The following PCCB variants were observed in gnomAD, a reference collection of about 807,000 sequenced individuals.
PCCB encodes the protein propionyl-CoA carboxylase subunit beta, also known as propionyl-CoA carboxylase beta chain, mitochondrial.
A neutral mutation model predicts 60.7 loss-of-function variants in PCCB; 43 were observed. The ratio of observed to expected loss-of-function variants is 0.71; its 90% CI spans 0.55 to 0.91. The LOEUF (loss-of-function observed/expected upper bound fraction) is 0.91. Among genes scored for constraint, PCCB ranks in the 40% least tolerant of loss-of-function variants. PCCB has a pLI of 0.00. For missense variants in PCCB, 766 were observed against 702.8 expected, an observed-to-expected ratio of 1.09 and a Z score of -1.02; for synonymous variants, 276 against 255.9, an observed-to-expected ratio of 1.08 and a Z score of -0.75.
chr3:136,327,474 T>C (rs1935365557), intron 12 of PCCB, among the ~76,000 whole-genome samples, 160 bp from the exon 13 acceptor site: 1 of 152,112 alleles, frequency 6.6e-6, no homozygotes, highest in South Asian at 2.1e-4. Context: ...GAAAAGATAA[T>C]GAGCATTAAC....
At chr3:136,316,446 C>T (rs1934898322) in intron 9 of PCCB, among the ~76,000 whole-genome samples, 1 of 152,002 alleles carries the variant, frequency 6.6e-6, no homozygotes, top group South Asian at 2.1e-4. Flanking sequence ...TCCTGAGTAG[C>T]TGGGATTACA....
intron 8 of PCCB, among the ~76,000 whole-genome samples, chr3:136,299,790 A>AGG (rs1560019161): frequency 1.7e-4 from 25 of 149,742 alleles, no homozygotes; most frequent in African/African-American, 3.9e-4. Context: ...GTATGTATGT[A>AGG]TATGCATGTG....
intron 4 of PCCB, 138 bp downstream of exon 4, chr3:136,260,673 G>C: frequency 1.3e-6 from 1 of 741,108 alleles, no homozygotes; most frequent in Non-Finnish European, 2.4e-6. Flanking sequence ...CCAACCCGAA[G>C]GGGTGCATAA....
At position 136,327,662 on chromosome 3, in the gene PCCB, G is replaced by A. The variant is rs1935374201; in HGVS notation, c.1328G>A (p.Ser443Asn). 5.0e-6 allele frequency: 8 copies of A among 1,613,974 alleles called. No homozygotes were observed. The East Asian group carries it at 8.9e-5, about 18-fold the overall frequency. The change falls in exon 13 of 15, where the codon AGC becomes AAC. Residue 443 changes from serine to asparagine, a missense_variant. Ser to Asn is a conservative substitution (Grantham distance 46). Coordinates refer to ENST00000251654, the MANE Select transcript of PCCB (RefSeq NM_000532.5). ...TATGGAGGTGCCTATGATGTCATGA[G>A]CTCTAAGCACCTTTGTGGTGATACC... is the stretch of plus-strand genomic sequence containing the variant. Reference protein sequence around the residue: ...KAYGGAYDVMSSKHLCGDTNY... With the variant: ...KAYGGAYDVMNSKHLCGDTNY...
rs183824739 is a variant in PCCB, at chr3:136,329,885, C to T, written c.1499-20C>T. The T allele has an allele frequency of 2.2e-4, 348 of 1,613,980 alleles. 4 individuals carry two copies. The East Asian group carries it at 7.7e-3, about 36-fold the overall frequency. ...ATCTCGGGATGCAGATGATCCACTC[C>T]CTTTTCTGTGCTTCACCAGGGTTTG... On this transcript the variant is annotated intron_variant, in intron 14 of 14. Transcript: ENST00000251654.
rs976151279 is a variant in PCCB at position 136,288,357 on chromosome 3, A to G, written c.654+4410A>G. 6.0e-5 allele frequency among the ~76,000 whole-genome samples: 9 copies of G among 150,584 alleles called. No homozygotes were observed. The East Asian group carries it at 7.8e-4, about 13-fold the overall frequency. ...AAAATGTTTTTTATTATTTTTTTTT[A>G]TTTTTTGAGACGGAGTCTCCCCCTC... On this transcript the variant is annotated intron_variant, in intron 6 of 14. Coordinates refer to ENST00000251654, the MANE Select transcript of PCCB (RefSeq NM_000532.5).
At chr3:136,320,412 T>C (rs757992920) in intron 10 of PCCB, among the ~76,000 whole-genome samples, 30 of 152,226 alleles carry the variant, frequency 2.0e-4, no homozygotes, top group Non-Finnish European at 3.7e-4. Flanking sequence ...ATCACCTCTT[T>C]GGTTAAATTT....
At chr3:136,320,373 G>A (rs1225608326) in intron 10 of PCCB, among the ~76,000 whole-genome samples, 1 of 152,068 alleles carries the variant, frequency 6.6e-6, no homozygotes, top group Non-Finnish European at 1.5e-5. Flanking sequence ...TCTTTCAGCT[G>A]TGTTTTGTAG....
chr3:136,290,068 A>C (rs79778387), intron 6 of PCCB, among the ~76,000 whole-genome samples: 1,899 of 152,310 alleles, frequency 0.012, 31 homozygotes, highest in East Asian at 0.047. Flanking sequence ...GCTACTATTA[A>C]TTTGAATCAA....
At chr3:136,312,630 A>G (rs1008985912) in intron 9 of PCCB, among the ~76,000 whole-genome samples, 2 of 152,226 alleles carry the variant, frequency 1.3e-5, no homozygotes, top group Non-Finnish European at 2.9e-5. Context: ...AAAACTAAAT[A>G]TAATCTGTGA....
At chr3:136,328,912 C>T in intron 14 of PCCB, 55 bp downstream of exon 14, 1 of 1,362,924 alleles carries the variant, frequency 7.3e-7, no homozygotes, top group Non-Finnish European at 1.1e-6. Flanking sequence ...CTTGCTCATT[C>T]TTTCTCTACA....
intron 9 of PCCB, among the ~76,000 whole-genome samples, chr3:136,314,900 G>C (rs1287906783): frequency 6.6e-6 from 1 of 152,154 alleles, no homozygotes; most frequent in Non-Finnish European, 1.5e-5. Context: ...GAAACCTGCA[G>C]ATATCACCAT....
At chr3:136,258,266 TGGA>T (rs951115344) in intron 3 of PCCB, among the ~76,000 whole-genome samples, 8 of 152,110 alleles carry the variant, frequency 5.3e-5, no homozygotes, top group African/African-American at 1.9e-4. Context: ...GAGGAGAAGG[TGGA>T]GATGACTGAG....
At position 136,293,847 on chromosome 3, in the gene PCCB, C is replaced by T. The variant is rs779581071; in HGVS notation, c.746C>T (p.Thr249Ile). ...CAGGAGGAGCTCGGTGGTGCCAAGA[C>T]CCACACCACCATGTCAGGTGAGAGG... ...VTQEELGGAK[T>I]HTTMSGVAHR... The change falls in exon 7 of 15, where the codon ACC becomes ATC. Residue 249 changes from threonine to isoleucine, a missense_variant. Thr to Ile is a moderately conservative substitution (Grantham distance 89). Coordinates refer to ENST00000251654, the MANE Select transcript of PCCB (RefSeq NM_000532.5). 29 of 1,593,528 alleles carry T rather than the reference C, an allele frequency of 1.8e-5. No homozygotes were observed. In the Middle Eastern group the frequency reaches 9.9e-4, roughly 54 times the overall value.
rs369533096 is a variant in PCCB, at chr3:136,316,549, C to T, written c.967-392C>T. 3.9e-5 allele frequency among the ~76,000 whole-genome samples: 6 copies of T among 152,148 alleles called. No homozygotes were observed. In the East Asian group the frequency reaches 9.6e-4, roughly 24 times the overall value. On this transcript the variant is annotated intron_variant, in intron 9 of 14. Transcript: ENST00000251654. ...CAGGCTGGTCTTGAACTCCTGGCCT[C>T]AGGTGATCCACCTGCCTCGACCTCC...
intron 14 of PCCB, 147 bp from the exon 15 acceptor site, chr3:136,329,758 G>C (rs993880336): frequency 2.4e-6 from 2 of 821,640 alleles, no homozygotes; most frequent in South Asian, 1.5e-5. Flanking sequence ...ATACAAGGGG[G>C]AATTCACAGG....
chr3:136,285,778 G>A (rs1290326736), intron 6 of PCCB, among the ~76,000 whole-genome samples: 1 of 152,080 alleles, frequency 6.6e-6, no homozygotes, highest in East Asian at 1.9e-4. Context: ...TTAATTCTGT[G>A]TTTTATTCTA....
chr3:136,275,331 ATTGT>A (rs1213250474), intron 5 of PCCB, among the ~76,000 whole-genome samples: 1 of 151,272 alleles, frequency 6.6e-6, no homozygotes, highest in Non-Finnish European at 1.5e-5. Context: ...CATATTCTGA[ATTGT>A]TTTTTAAGTT....
At chr3:136,274,325 G>C (rs1184640330) in intron 5 of PCCB, among the ~76,000 whole-genome samples, 1 of 152,052 alleles carries the variant, frequency 6.6e-6, no homozygotes. Context: ...GGTAGTGGCA[G>C]ATTCCCTCGG....
Sources: allele counts gnomAD v4.1 joint callset (sites outside exome capture counted in the v4.1 genomes callset), GRCh38; gene constraint gnomAD v4.1.1; transcripts MANE v1.5; gene names NCBI Gene and HGNC (gene_info 2026-07-23, HGNC 2026-07-21).